Variants in GRIA2 observed in about 807,000 individuals in gnomAD.
The protein encoded by GRIA2 is glutamate ionotropic receptor AMPA type subunit 2, also known as glutamate receptor 2.
Under a neutral mutation model 97.3 loss-of-function variants are expected in GRIA2, and 14 were observed. That is an observed-to-expected ratio of 0.14 (90% CI 0.10 to 0.23). The LOEUF (loss-of-function observed/expected upper bound fraction) is 0.23. GRIA2 is among the 10% of genes least tolerant of loss of function. GRIA2 has a pLI of 1.00. For missense variants in GRIA2, 558 were observed against 1,069.8 expected, an observed-to-expected ratio of 0.52 and a Z score of 6.67; for synonymous variants, 412 against 387.8, an observed-to-expected ratio of 1.06 and a Z score of -0.73.
chr4:157,280,068 T>G (rs1382524957), intron 2 of GRIA2, among the ~76,000 whole-genome samples: 3 of 152,120 alleles, frequency 2.0e-5, no homozygotes, highest in African/African-American at 4.8e-5. Context: ...GAGGTTGCCA[T>G]AAGCCGAGAT....
Position 157,220,845 on chromosome 4 carries a change from C to A in GRIA2, c.-198C>A, listed in dbSNP as rs1315650791. The A allele has an allele frequency of 1.5e-5, 9 of 587,426 alleles. No individual in the cohort carries two copies. Among genetic ancestry groups the A allele is most frequent in the Non-Finnish European group, 2.4e-5 (8 of 329,838 alleles). 36.4% of individuals were successfully genotyped at this position (587,426 alleles called of 1,614,324 possible). A position where few individuals can be genotyped will look rare whatever the true frequency, so the allele number is the denominator to read the frequency against. ...CCGGACTTCTGGAGCGGGGACAGGG[C>A]GCAGGGCATCAGCAGCCACCAGCAG... is the stretch of plus-strand genomic sequence containing the variant. On this transcript the variant is annotated 5_prime_UTR_variant, in exon 1 of 16. Coordinates refer to ENST00000264426, the MANE Select transcript of GRIA2 (RefSeq NM_001083619.3).
At chr4:157,324,532 G>T (rs1256484471) in intron 6 of GRIA2, among the ~76,000 whole-genome samples, 1 of 152,174 alleles carries the variant, frequency 6.6e-6, no homozygotes, top group Non-Finnish European at 1.5e-5. Context: ...CCTGTGCAAG[G>T]CTTTGCACAT....
chr4:157,283,659 T>C (rs1014578673), intron 2 of GRIA2, among the ~76,000 whole-genome samples: 8 of 152,056 alleles, frequency 5.3e-5, no homozygotes, highest in African/African-American at 9.6e-5. Flanking sequence ...CTATTTATCA[T>C]ATTTTAATAT....
chr4:157,291,057 T>C (rs1396604845), intron 2 of GRIA2, among the ~76,000 whole-genome samples: 1 of 151,998 alleles, frequency 6.6e-6, no homozygotes, highest in African/African-American at 2.4e-5. Context: ...TTTTCCGTGA[T>C]CACATGCAGT....
chr4:157,301,340 C>A (rs1159459288), intron 2 of GRIA2, among the ~76,000 whole-genome samples: 1 of 151,962 alleles, frequency 6.6e-6, no homozygotes, highest in African/African-American at 2.4e-5. Flanking sequence ...AACTCTGTAC[C>A]CAGACAAGAA....
chr4:157,323,361 A>C (rs1231861049), intron 6 of GRIA2, among the ~76,000 whole-genome samples: 1 of 150,946 alleles, frequency 6.6e-6, no homozygotes, highest in East Asian at 1.9e-4. Flanking sequence ...AAAAAAAAAA[A>C]AAAAAGACAT....
In GRIA2 at chr4:157,221,126, G is replaced by A. The variant is rs948766415; in HGVS notation, c.84G>A (p.Gln28=). The A allele has an allele frequency of 2.1e-6, 3 of 1,455,300 alleles. No individual in the cohort carries two copies. The highest frequency in any genetic ancestry group is 1.1e-5 in the South Asian group (1 of 87,894). 90.1% of individuals were successfully genotyped at this position (1,455,300 alleles called of 1,614,324 possible). Residue 28 remains glutamine (Q), a synonymous_variant, in exon 1 of 16, where the codon CAG becomes CAA. Transcript: ENST00000264426. Reference sequence around the variant, plus strand: ...TTGGTGTCTCTTCTAACAGCATACAGATAGGTAGGTACCCTTTGTGCTATG... The same window carrying A: ...TTGGTGTCTCTTCTAACAGCATACAAATAGGTAGGTACCCTTTGTGCTATG... ...LIFGVSSNSI[Q]IGGLFPRGAD...
At chr4:157,221,494 C>A in intron 1 of GRIA2, 173 bp from the exon 2 acceptor site, 1 of 664,366 alleles carries the variant, frequency 1.5e-6, no homozygotes, top group Non-Finnish European at 2.6e-6. Context: ...TGGGTCTTGA[C>A]CCCTTGGCTA....
At chr4:157,278,808 A>G (rs1732464232) in intron 2 of GRIA2, among the ~76,000 whole-genome samples, 2 of 152,114 alleles carry the variant, frequency 1.3e-5, no homozygotes, top group South Asian at 4.1e-4. Flanking sequence ...AAAATAGACA[A>G]AAGACTTGAA....
chr4:157,356,869 A>T (rs1736406421), intron 12 of GRIA2, among the ~76,000 whole-genome samples: 1 of 152,150 alleles, frequency 6.6e-6, no homozygotes, highest in Non-Finnish European at 1.5e-5. Context: ...ATTAGGCCAA[A>T]CTAAACACTG....
intron 2 of GRIA2, among the ~76,000 whole-genome samples, chr4:157,226,036 T>A (rs1020594852): frequency 2.6e-5 from 4 of 151,966 alleles, no homozygotes; most frequent in Non-Finnish European, 4.4e-5. Flanking sequence ...GTTTGAAAAT[T>A]AAAAGTATTA....
At chr4:157,289,921 C>T (rs182384155) in intron 2 of GRIA2, among the ~76,000 whole-genome samples, 23 of 151,792 alleles carry the variant, frequency 1.5e-4, no homozygotes, top group African/African-American at 3.9e-4. Flanking sequence ...TTTCTTGTGA[C>T]GTTTTCTAGC....
chr4:157,290,583 C>A (rs1489772343), intron 2 of GRIA2, among the ~76,000 whole-genome samples: 1 of 151,280 alleles, frequency 6.6e-6, no homozygotes, highest in Non-Finnish European at 1.5e-5. Context: ...TATATAGATC[C>A]AGCAGGCATA....
In GRIA2 at chr4:157,365,097, T is replaced by G. The variant is rs773185596; in HGVS notation, c.*1666T>G. Reference sequence around the variant, plus strand: ...CTGGAAGAAAGCCTTTGTGTAGCACTTGGTATTTTGCAAAGTGCTTTTAAA... The same window carrying G: ...CTGGAAGAAAGCCTTTGTGTAGCACGTGGTATTTTGCAAAGTGCTTTTAAA... On this transcript the variant is annotated 3_prime_UTR_variant, in exon 16 of 16. Coordinates refer to ENST00000264426, the MANE Select transcript of GRIA2 (RefSeq NM_001083619.3). 6.6e-6 allele frequency: 1 copy of G among 151,710 alleles called. No homozygotes were observed. The highest frequency in any genetic ancestry group is 1.5e-5 in the Non-Finnish European group (1 of 67,730). 9.4% of individuals were successfully genotyped at this position (151,710 alleles called of 1,614,324 possible). A position where few individuals can be genotyped will look rare whatever the true frequency, so the allele number is the denominator to read the frequency against.
intron 12 of GRIA2, among the ~76,000 whole-genome samples, chr4:157,356,079 T>TTATTTATATATATTTATTTATTTATATA (rs1736340708): frequency 2.0e-5 from 1 of 50,700 alleles, no homozygotes; most frequent in Non-Finnish European, 5.5e-5. Flanking sequence ...TTATATTTAT[T>TTATTTATATATATTTATTTATTTATATA]TATTTATATA....
chr4:157,363,401 T>C (rs1736726538), intron 15 of GRIA2, 34 bp from the exon 16 acceptor site: 2 of 1,225,822 alleles, frequency 1.6e-6, no homozygotes, highest in Non-Finnish European at 2.0e-6. Flanking sequence ...ACGTATGATT[T>C]CTTTTTCTTT....
intron 2 of GRIA2, among the ~76,000 whole-genome samples, chr4:157,263,000 T>C (rs1731615205): frequency 6.6e-6 from 1 of 152,118 alleles, no homozygotes; most frequent in South Asian, 2.1e-4. Flanking sequence ...GTTAATTATT[T>C]AGCCCAGAGT....
intron 2 of GRIA2, among the ~76,000 whole-genome samples, chr4:157,281,325 GT>G (rs1732584609): frequency 6.6e-6 from 1 of 151,996 alleles, no homozygotes; most frequent in African/African-American, 2.4e-5. Context: ...ACTTGGTCCT[GT>G]TTTTTGGGTA....
intron 12 of GRIA2, among the ~76,000 whole-genome samples, chr4:157,356,998 A>G (rs1284919682): frequency 6.6e-6 from 1 of 152,172 alleles, no homozygotes; most frequent in Non-Finnish European, 1.5e-5. Flanking sequence ...ATAATTTATC[A>G]TGCATCTTCT....
Sources: allele counts gnomAD v4.1 joint callset (sites outside exome capture counted in the v4.1 genomes callset), GRCh38; gene constraint gnomAD v4.1.1; transcripts MANE v1.5; gene names NCBI Gene and HGNC (gene_info 2026-07-23, HGNC 2026-07-21).